DIPK1A: variants seen among roughly 807,000 people sequenced by gnomAD.
DIPK1A encodes divergent protein kinase domain 1A.
Under a neutral mutation model 40.8 loss-of-function variants are expected in DIPK1A, and 27 were observed. The observed-to-expected ratio is 0.66, with a 90% confidence interval of 0.49 to 0.91. DIPK1A has a LOEUF of 0.91. Among genes scored for constraint, DIPK1A ranks in the 40% least tolerant of loss-of-function variants. DIPK1A has a pLI of 0.00. For synonymous variants in DIPK1A, 166 were observed against 171.3 expected (o/e 0.97, Z 0.24); for missense variants, 412 against 505.7 (o/e 0.81, Z 1.78).
At chr1:92,846,853 ATATATGTG>A in intron 4 of DIPK1A, among the ~76,000 whole-genome samples, 1 of 10,490 alleles carries the variant, frequency 9.5e-5, no homozygotes, top group African/African-American at 6.3e-4. Context: ...GTGTGTATAT[ATATATGTG>A]TGTATATATA....
downstream of DIPK1A, chr1:92,837,471 T>C (rs1490823602): frequency 1.9e-6 from 3 of 1,613,280 alleles, no homozygotes; most frequent in African/African-American, 4.0e-5. Context: ...AACGATTCCC[T>C]GGTTATGATT....
chr1:92,887,162 A>AGG (rs1485982708), intron 1 of DIPK1A, among the ~76,000 whole-genome samples: 12 of 151,420 alleles, frequency 7.9e-5, no homozygotes, highest in Non-Finnish European at 2.9e-5. Flanking sequence ...TCACACCTGT[A>AGG]ATTCCAGCAC....
At chr1:92,895,726 A>C (rs1033185201) in intron 1 of DIPK1A, among the ~76,000 whole-genome samples, 6 of 152,248 alleles carry the variant, frequency 3.9e-5, no homozygotes, top group Middle Eastern at 3.4e-3. Context: ...CCCTGTTTGC[A>C]GATGACATGA....
downstream of DIPK1A, chr1:92,840,649 CTTT>C (rs747509136): frequency 1.0e-5 from 16 of 1,573,194 alleles, no homozygotes; most frequent in East Asian, 3.2e-4. Context: ...GGTATGTCGT[CTTT>C]TTTTTTGTCT....
At chr1:92,833,927 G>A in intron 4 of DIPK1A, 1 of 444,806 alleles carries the variant, frequency 2.2e-6, no homozygotes, top group Non-Finnish European at 4.1e-6. Flanking sequence ...GCAATATAGT[G>A]AGAGTTTGTC....
chr1:92,841,637 A>G (rs1033993511), downstream of DIPK1A: 4 of 559,408 alleles, frequency 7.2e-6, no homozygotes, highest in Non-Finnish European at 1.2e-5. Context: ...TTGAACTTGG[A>G]TTATTTAACC....
chr1:92,836,827 G>A (rs1016556814), intron 4 of DIPK1A: 4 of 210,788 alleles, frequency 1.9e-5, no homozygotes, highest in African/African-American at 9.4e-5. Flanking sequence ...CTGCAACTAG[G>A]AATAAGATTG....
chr1:92,918,399 T>C (rs1218273092), intron 1 of DIPK1A, among the ~76,000 whole-genome samples: 2 of 152,228 alleles, frequency 1.3e-5, no homozygotes, highest in Non-Finnish European at 2.9e-5. Context: ...TGCGCCTGCC[T>C]CAGCCTCCCA....
chr1:92,838,350 T>G (rs566435652), downstream of DIPK1A, among the ~76,000 whole-genome samples: 2 of 152,360 alleles, frequency 1.3e-5, no homozygotes, highest in South Asian at 4.1e-4. Context: ...TATATTTCTT[T>G]GTTACTTATG....
At chr1:92,912,113 G>A (rs571136034) in intron 1 of DIPK1A, among the ~76,000 whole-genome samples, 1 of 150,476 alleles carries the variant, frequency 6.6e-6, no homozygotes, top group East Asian at 2.0e-4. Flanking sequence ...AGCAATGTAT[G>A]AGTGATCCAG....
At chr1:92,862,244 G>C (rs886916005) in intron 2 of DIPK1A, among the ~76,000 whole-genome samples, 1 of 151,998 alleles carries the variant, frequency 6.6e-6, no homozygotes, top group East Asian at 1.9e-4. Context: ...CTCTTGCCTC[G>C]ATTTGGATAA....
chr1:92,834,275 GAAA>G (rs1416360731), intron 4 of DIPK1A, among the ~76,000 whole-genome samples: 1 of 152,152 alleles, frequency 6.6e-6, no homozygotes, highest in Non-Finnish European at 1.5e-5. Flanking sequence ...CTTATTCTTT[GAAA>G]TAGGTTTTAA....
chr1:92,930,377 GTATCTGGAGA>G (rs1650697088), intron 1 of DIPK1A, among the ~76,000 whole-genome samples: 1 of 151,978 alleles, frequency 6.6e-6, no homozygotes, highest in Non-Finnish European at 1.5e-5. Flanking sequence ...GTCATTTCTG[GTATCTGGAGA>G]TTTCCTTTGC....
At chr1:92,918,584 CTCTT>C (rs1335601356) in intron 1 of DIPK1A, among the ~76,000 whole-genome samples, 7 of 152,174 alleles carry the variant, frequency 4.6e-5, no homozygotes, top group Non-Finnish European at 5.9e-5. Context: ...ATCAGGTTGT[CTCTT>C]TCTAATTACG....
At chr1:92,841,446 A>G (rs766358925), downstream of DIPK1A, among the ~76,000 whole-genome samples, 12 of 152,198 alleles carry the variant, frequency 7.9e-5, no homozygotes, top group East Asian at 3.8e-4. Context: ...TAGTGCTGCA[A>G]TGAACATGGG....
Position 92,842,627 on chromosome 1 carries a change from C to T in DIPK1A, c.*756G>A. On this transcript the variant is annotated 3_prime_UTR_variant, in exon 5 of 5. Transcript: ENST00000370310. ...TCTTGCACTTACAGTCCCACTTTCA[C>T]ATAGTTCAAAATCAGGATATGTGGA... 1 of 985,314 alleles carries T rather than the reference C, an allele frequency of 1.0e-6. No homozygotes were observed. The highest frequency in any genetic ancestry group is 1.7e-5 in the African/African-American group (1 of 57,330). 61.0% of individuals were successfully genotyped at this position (985,314 alleles called of 1,614,324 possible).
chr1:92,840,808 G>A, downstream of DIPK1A: 1 of 730,074 alleles, frequency 1.4e-6, no homozygotes, highest in South Asian at 1.4e-5. Flanking sequence ...AAATGTGTTA[G>A]CCTCAGACAC....
chr1:92,886,868 G>A (rs377716684), intron 1 of DIPK1A, among the ~76,000 whole-genome samples: 8 of 151,874 alleles, frequency 5.3e-5, no homozygotes, highest in Admixed American at 3.9e-4. Flanking sequence ...TCTAGTTGTC[G>A]ATACATTATT....
At chr1:92,840,639 G>A, downstream of DIPK1A, 1 of 1,605,428 alleles carries the variant, frequency 6.2e-7, no homozygotes, top group Non-Finnish European at 8.5e-7. Context: ...AAAAAGAAGA[G>A]GTATGTCGTC....
Sources: gnomAD v4.1 joint callset for allele counts (sites outside exome capture counted in the v4.1 genomes callset) on GRCh38, gnomAD v4.1.1 for gene constraint, MANE v1.5 for transcripts, NCBI Gene and HGNC (gene_info 2026-07-23, HGNC 2026-07-21) for gene names.